Variants in RFC5 observed in about 807,000 individuals in gnomAD.
The protein encoded by RFC5 is replication factor C subunit 5.
RFC5 carries 26 observed loss-of-function variants against 44.3 expected under a neutral mutation model. The observed-to-expected ratio is 0.59, with a 90% confidence interval of 0.43 to 0.81. The LOEUF is 0.81. RFC5 is among the 40% of genes least tolerant of loss of function. The pLI is 0.00. For synonymous variants in RFC5, 155 were observed against 155.2 expected (o/e 1.00, Z 0.01); for missense variants, 328 against 418.6 (o/e 0.78, Z 1.89).
At chr12:118,034,480 C>T, downstream of RFC5, 5 of 1,186,356 alleles carry the variant, frequency 4.2e-6, no homozygotes, top group Non-Finnish European at 5.9e-6. Context: ...TGAAATGTAA[C>T]CCTGACTGTG....
the RFC5 span, among the ~76,000 whole-genome samples, chr12:118,039,668 T>C: frequency 1.7e-3 from 260 of 152,276 alleles, 1 homozygote; most frequent in African/African-American, 5.9e-3. Flanking sequence ...GTTATACGCC[T>C]GTACATGGTC....
downstream of RFC5, among the ~76,000 whole-genome samples, chr12:118,037,054 C>T (rs188340160): frequency 1.9e-3 from 289 of 152,196 alleles, no homozygotes; most frequent in Non-Finnish European, 3.4e-3. Flanking sequence ...TGGTGGTGCA[C>T]GCCTGTAAGC....
At position 118,026,933 on chromosome 12, in the gene RFC5, C is replaced by T. The variant is rs777070667; in HGVS notation, c.708C>T (p.Tyr236=). 21 of 1,614,002 alleles carry T rather than the reference C, an allele frequency of 1.3e-5. No individual in the cohort carries two copies. The highest frequency in any genetic ancestry group is 8.3e-5 in the Admixed American group (5 of 60,000). Residue 236 remains tyrosine, a synonymous_variant, in exon 8 of 11, where the codon TAC becomes TAT. Transcript: ENST00000454402. The part of the protein sequence containing the change: ...AFGKVTEETV[Y]TCTGHPLKSD... Reference sequence around the variant, plus strand: ...GGAAGGTGACAGAGGAGACTGTCTACACCTGCACCGGGCACCCGCTCAAGT... The same window carrying T: ...GGAAGGTGACAGAGGAGACTGTCTATACCTGCACCGGGCACCCGCTCAAGT...
At position 118,029,876 on chromosome 12, in the gene RFC5, T is replaced by C. The variant is rs572999915; in HGVS notation, c.926+51T>C. 27 of 1,311,454 alleles carry C rather than the reference T, an allele frequency of 2.1e-5. No individual in the cohort carries two copies. The Admixed American group carries it at 3.6e-4, about 17-fold the overall frequency. The allele number at this position is 1,311,454 out of a possible 1,614,324, so 81.2% of individuals were successfully genotyped here. The stretch of plus-strand genomic sequence containing the variant: ...ATTCTTTTCTTCCTTTTTTCCCCTG[T>C]TGTGAGTTATTTGTTTCAACTTTCT... On this transcript the variant is annotated intron_variant, in intron 10 of 10. Coordinates refer to ENST00000454402, the MANE Select transcript of RFC5 (RefSeq NM_007370.7).
At chr12:118,020,503 G>T (rs1332864303) in intron 3 of RFC5, among the ~76,000 whole-genome samples, 1 of 152,160 alleles carries the variant, frequency 6.6e-6, no homozygotes, top group Non-Finnish European at 1.5e-5. Context: ...TCTATTGCAA[G>T]AAAAGTTTAA....
chr12:118,032,444 T>A (rs192560389), downstream of RFC5: 1 of 152,270 alleles, frequency 6.6e-6, no homozygotes, highest in East Asian at 1.9e-4. Context: ...CATTCCCAGC[T>A]CTTCTGCTGT....
intron 1 of RFC5, chr12:118,017,551 G>A: frequency 2.2e-6 from 1 of 447,352 alleles, no homozygotes; most frequent in Non-Finnish European, 3.3e-6. Context: ...AGACTTTGAA[G>A]CAATTTGGCT....
rs963848910 is a variant in RFC5, at chr12:118,031,274, C to G, written c.1019C>G (p.Ala340Gly). 1.2e-6 allele frequency: 2 copies of G among 1,603,708 alleles called. No homozygotes were observed. The highest frequency in any genetic ancestry group is 2.7e-5 in the African/African-American group (2 of 74,614). ...QVTRDLIVAEA is the reference protein window; with the variant it reads ...QVTRDLIVAEG ...ACCAGAGACCTGATTGTTGCAGAGG[C>G]CTAGATGCTCTGAGGGCCATTCACA... The change falls in exon 11 of 11, where the codon GCC becomes GGC. Residue 340 changes from alanine to glycine, a missense_variant. Coordinates refer to ENST00000454402, the MANE Select transcript of RFC5 (RefSeq NM_007370.7).
downstream of RFC5, chr12:118,035,103 G>T (rs1225219703): frequency 5.0e-6 from 8 of 1,613,830 alleles, no homozygotes. Flanking sequence ...TCTGGATGGG[G>T]AGAGAGAACA....
rs559048810 is a variant in RFC5 at position 118,020,252 on chromosome 12, T to A, written c.267+484T>A. Among the ~76,000 whole-genome samples, 76 of 152,334 alleles carry A rather than the reference T, an allele frequency of 5.0e-4. No homozygotes were observed. The South Asian group carries it at 7.0e-3, about 14-fold the overall frequency. On this transcript the variant is annotated intron_variant, in intron 3 of 10. Transcript: ENST00000454402. ...ACACAGGCTGGCAGCATGGCCCACC[T>A]GTAGGGTACATCTCACAGGTGGTAC...
chr12:118,028,421 G>T (rs2031095640), intron 9 of RFC5, among the ~76,000 whole-genome samples: 1 of 150,866 alleles, frequency 6.6e-6, no homozygotes, highest in South Asian at 2.1e-4. Flanking sequence ...GGAGGTGGAG[G>T]TTGCAGTGAG....
chr12:118,035,372 T>G (rs763901403), downstream of RFC5: 28 of 1,545,794 alleles, frequency 1.8e-5, no homozygotes, highest in Non-Finnish European at 2.5e-5. Context: ...ATGGCTGCTC[T>G]CCACCCTCCA....
chr12:118,026,321 G>A (rs896990121), intron 7 of RFC5, among the ~76,000 whole-genome samples: 8 of 152,130 alleles, frequency 5.3e-5, no homozygotes, highest in Admixed American at 2.0e-4. Context: ...ACTTGTTGCA[G>A]GCCAGGTATG....
chr12:118,022,485 G>A, intron 5 of RFC5, 126 bp downstream of exon 5: 3 of 664,430 alleles, frequency 4.5e-6, no homozygotes, highest in Non-Finnish European at 7.9e-6. Context: ...CTTTTTTTGA[G>A]TCAGAGTCTT....
intron 6 of RFC5, 46 bp downstream of exon 6, chr12:118,025,056 G>T (rs745946248): frequency 6.4e-7 from 1 of 1,572,638 alleles, no homozygotes; most frequent in Non-Finnish European, 8.7e-7. Flanking sequence ...GTAGAAACAG[G>T]CTTGTGGGAT....
At chr12:118,017,634 C>A in intron 1 of RFC5, 2 of 1,025,306 alleles carry the variant, frequency 2.0e-6, no homozygotes, top group Non-Finnish European at 2.4e-6. Flanking sequence ...TTAAAAAAAA[C>A]CCAGAAGATT....
intron 5 of RFC5, among the ~76,000 whole-genome samples, chr12:118,024,213 T>C (rs1220137930): frequency 1.3e-5 from 2 of 151,284 alleles, no homozygotes; most frequent in African/African-American, 2.4e-5. Context: ...TGGTGGCACG[T>C]GTCTGTAGTC....
At chr12:118,023,487 AGGT>A (rs2030692162) in intron 5 of RFC5, among the ~76,000 whole-genome samples, 1 of 25,712 alleles carries the variant, frequency 3.9e-5, no homozygotes, top group Non-Finnish European at 7.3e-5. Flanking sequence ...GGGTAGGGGG[AGGT>A]GGAGGAGGAG....
chr12:118,019,816 C>G lies in RFC5; in HGVS notation c.267+48C>G, dbSNP rs762906207. On this transcript the variant is annotated intron_variant, in intron 3 of 10. Coordinates refer to ENST00000454402, the MANE Select transcript of RFC5 (RefSeq NM_007370.7). This position sits in a 1 kb window ranked among gnomAD's most constrained non-coding sequence, Gnocchi z 4.2. The stretch of plus-strand genomic sequence containing the variant: ...TACAAATAACTTAAGAGACTCCAGT[C>G]TCTTAATTTCAGTTCTGCTGGTTTT... 1.2e-5 allele frequency: 18 copies of G among 1,481,882 alleles called. No individual in the cohort carries two copies. The highest frequency in any genetic ancestry group is 1.7e-5 in the Non-Finnish European group (18 of 1,078,850). The allele number at this position is 1,481,882 out of a possible 1,614,324, so 91.8% of individuals were successfully genotyped here.
Sources: gnomAD v4.1 joint callset for allele counts (sites outside exome capture counted in the v4.1 genomes callset) on GRCh38, gnomAD v4.1.1 for gene constraint, Gnocchi (gnomAD v3.1) non-coding constraint, MANE v1.5 for transcripts, NCBI Gene and HGNC (gene_info 2026-07-23, HGNC 2026-07-21) for gene names.